HOXC4: variants seen among roughly 807,000 people sequenced by gnomAD.
The protein encoded by HOXC4 is homeobox C4, also known as homeobox protein Hox-C4.
In HOXC4, 15 loss-of-function variants were observed where a neutral mutation model predicts 25.5. That is an observed-to-expected ratio of 0.59 (90% CI 0.39 to 0.91). The LOEUF is 0.91. Ranked by LOEUF, HOXC4 falls within the 40% of genes least tolerant of loss-of-function variation. The pLI, the probability that HOXC4 is intolerant of heterozygous loss-of-function variation, is 0.00. For missense variants in HOXC4, 342 were observed against 352.4 expected (o/e 0.97, Z 0.24); for synonymous variants, 165 against 148.0 (o/e 1.11, Z -0.83).
At chr12:54,029,593 A>C (rs756477892) in intron 1 of HOXC4, 1 of 1,544,270 alleles carries the variant, frequency 6.5e-7, no homozygotes, top group Admixed American at 1.8e-5. Flanking sequence ...TTGCTAGGCG[A>C]AACAGTCTGC....
intron 1 of HOXC4, among the ~76,000 whole-genome samples, chr12:54,041,077 T>A (rs1345941883): frequency 1.3e-5 from 2 of 152,246 alleles, no homozygotes; most frequent in Non-Finnish European, 2.9e-5. Flanking sequence ...AATAATAGAC[T>A]AGGTGATGAT....
chr12:54,034,045 C>T lies in HOXC4; in HGVS notation c.-124+16631C>T, dbSNP rs767812829. On this transcript the variant is annotated intron_variant, in intron 1 of 3. Coordinates refer to the HOXC4 transcript ENST00000303406. ...GGTCTCCCTCTTCCCCCCAACCCCC[C>T]CTCAGCCCCTCCGGCTGCAGAGTGA... 30 of 699,816 alleles carry T rather than the reference C, an allele frequency of 4.3e-5. No homozygotes were observed. In the African/African-American group the frequency reaches 4.6e-4, roughly 11 times the overall value. 43.4% of individuals were successfully genotyped at this position (699,816 alleles called of 1,614,324 possible).
chr12:54,048,431 A>G (rs756807552), intron 1 of HOXC4, among the ~76,000 whole-genome samples: 1 of 152,166 alleles, frequency 6.6e-6, no homozygotes, highest in Non-Finnish European at 1.5e-5. Context: ...AAACTCCAGA[A>G]AAAGGGAAAC....
At chr12:54,043,579 C>CT (rs928180557) in intron 1 of HOXC4, among the ~76,000 whole-genome samples, 1 of 151,998 alleles carries the variant, frequency 6.6e-6, no homozygotes, top group African/African-American at 2.4e-5. Context: ...ACCATTTGTC[C>CT]TCCCCACCCC....
rs762307042 is a variant in HOXC4, at chr12:54,054,846, C to A, written c.440-4C>A. On this transcript the variant is annotated splice_polypyrimidine_tract_variant and splice_region_variant and intron_variant, in intron 1 of 1. Transcript: ENST00000430889. ...CCCACTATTTGCTTTTCCCCTCCCCCCAGTGAACCCCAATTATAACGGAGG... is the reference window on the plus strand; with the variant it reads ...CCCACTATTTGCTTTTCCCCTCCCCACAGTGAACCCCAATTATAACGGAGG... The A allele has an allele frequency of 1.9e-6, 3 of 1,596,908 alleles. No individual in the cohort carries two copies. The African/African-American group carries it at 4.0e-5, about 21-fold the overall frequency.
At chr12:54,050,553 C>A (rs1056469118), upstream of HOXC4, among the ~76,000 whole-genome samples, 5 of 151,130 alleles carry the variant, frequency 3.3e-5, no homozygotes. Context: ...AGTACCCCCA[C>A]CCCCTCCCAA....
At chr12:54,053,646 C>A (rs1178520985), upstream of HOXC4, among the ~76,000 whole-genome samples, 1 of 152,046 alleles carries the variant, frequency 6.6e-6, no homozygotes. Context: ...GTCAGTCTGG[C>A]GGGATGTGCA....
intron 1 of HOXC4, among the ~76,000 whole-genome samples, chr12:54,025,649 A>C (rs1940664193): frequency 6.6e-6 from 1 of 151,822 alleles, no homozygotes; most frequent in Non-Finnish European, 1.5e-5. Flanking sequence ...TTCACCCAGC[A>C]GCTGGTTTCT....
intron 1 of HOXC4, chr12:54,033,525 C>T (rs781557948): frequency 1.9e-6 from 3 of 1,561,364 alleles, no homozygotes; most frequent in Middle Eastern, 2.3e-4. Flanking sequence ...GAGCCAGCCA[C>T]CGGCCCCGCC....
At chr12:54,031,478 C>T (rs1255353579) in intron 1 of HOXC4, among the ~76,000 whole-genome samples, 2 of 152,202 alleles carry the variant, frequency 1.3e-5, no homozygotes, top group African/African-American at 2.4e-5. Context: ...CAGCTCCAGC[C>T]GGGCTGGTTC....
At chr12:54,043,836 C>A (rs1027763177) in intron 1 of HOXC4, among the ~76,000 whole-genome samples, 1 of 152,114 alleles carries the variant, frequency 6.6e-6, no homozygotes, top group Admixed American at 6.5e-5. Context: ...CTCCTCAGGG[C>A]TCCCTTGCTC....
upstream of HOXC4, among the ~76,000 whole-genome samples, chr12:54,051,726 C>A (rs531237260): frequency 6.6e-6 from 1 of 152,310 alleles, no homozygotes; most frequent in African/African-American, 2.4e-5. Flanking sequence ...GGGAGCTAAG[C>A]CCTGGCCCTG....
chr12:54,047,608 C>A (rs1753972734), intron 1 of HOXC4, among the ~76,000 whole-genome samples: 1 of 152,158 alleles, frequency 6.6e-6, no homozygotes, highest in African/African-American at 2.4e-5. Context: ...AGGGAGGGGA[C>A]GAAGCCCAAG....
intron 1 of HOXC4, among the ~76,000 whole-genome samples, chr12:54,037,447 G>A (rs1230578384): frequency 6.6e-6 from 1 of 152,206 alleles, no homozygotes; most frequent in Non-Finnish European, 1.5e-5. Context: ...AGAAGGGGAA[G>A]AAGCATGACT....
At chr12:54,027,655 T>C (rs1940783337) in intron 1 of HOXC4, among the ~76,000 whole-genome samples, 1 of 152,096 alleles carries the variant, frequency 6.6e-6, no homozygotes, top group African/African-American at 2.4e-5. Context: ...TTATACATTT[T>C]CCCTTTTAGG....
intron 1 of HOXC4, among the ~76,000 whole-genome samples, 177 bp downstream of exon 1, chr12:54,054,538 C>T (rs1415346612): frequency 6.6e-6 from 1 of 151,958 alleles, no homozygotes; most frequent in African/African-American, 2.4e-5. Context: ...TAATTACATC[C>T]CCCATAAATT....
intron 1 of HOXC4, among the ~76,000 whole-genome samples, chr12:54,027,216 G>A (rs1694834278): frequency 6.6e-6 from 1 of 152,204 alleles, no homozygotes; most frequent in Non-Finnish European, 1.5e-5. Context: ...AATAAAATGG[G>A]CGTTGAGGTT....
intron 1 of HOXC4, chr12:54,034,436 A>C: frequency 6.2e-7 from 1 of 1,614,278 alleles, no homozygotes; most frequent in South Asian, 1.1e-5. Flanking sequence ...CTGGTTCCAG[A>C]ACCGCAGGAT....
chr12:54,048,160 G>A (rs372065757), intron 1 of HOXC4, among the ~76,000 whole-genome samples: 1 of 152,096 alleles, frequency 6.6e-6, no homozygotes, highest in South Asian at 2.1e-4. Flanking sequence ...CTTTGGGCTG[G>A]AAAGGAGAAA....
Sources: allele counts gnomAD v4.1 joint callset (sites outside exome capture counted in the v4.1 genomes callset), GRCh38; gene constraint gnomAD v4.1.1; transcripts MANE v1.5; gene names NCBI Gene and HGNC (gene_info 2026-07-23, HGNC 2026-07-21).